ADAMTSL1: variants seen among roughly 807,000 people sequenced by gnomAD.
The protein encoded by ADAMTSL1 is ADAMTS like 1.
In ADAMTSL1, 126 loss-of-function variants were observed where a neutral mutation model predicts 201.8. The observed-to-expected ratio is 0.62, with a 90% CI of 0.54 to 0.72. ADAMTSL1 has a LOEUF of 0.72. ADAMTSL1 is among the 30% of genes least tolerant of loss of function. The probability of loss-of-function intolerance (pLI) is 0.00; values close to 1 mark genes in which losing one functional copy is unlikely to be tolerated. For synonymous variants in ADAMTSL1, 1,121 were observed against 903.4 expected (o/e 1.24, Z -4.32); for missense variants, 2,679 against 2,277.8 (o/e 1.18, Z -3.59).
At chr9:18,804,424 G>T (rs764934106) in intron 20 of ADAMTSL1, among the ~76,000 whole-genome samples, 2 of 152,196 alleles carry the variant, frequency 1.3e-5, no homozygotes, top group Admixed American at 6.5e-5. Flanking sequence ...AAGAAGGTCA[G>T]CAGGGAGTTA....
At chr9:18,367,808 G>A (rs551810825) in intron 2 of ADAMTSL1, among the ~76,000 whole-genome samples, 454 of 152,212 alleles carry the variant, frequency 3.0e-3, no homozygotes, top group Non-Finnish European at 4.8e-3. Context: ...TTGAATCCAG[G>A]CAACGGATGG....
At position 18,270,091 on chromosome 9, in the gene ADAMTSL1, A is replaced by G. The variant is rs146633288; in HGVS notation, c.207+106110A>G. ...ATACCATTGATTGGGGAGCTTCTAA[A>G]TAACAGAAATTTAGTTCTCATAGTT... On this transcript the variant is annotated intron_variant, in intron 2 of 29. Coordinates refer to the ADAMTSL1 transcript ENST00000680146. Among the ~76,000 whole-genome samples the G allele has an allele frequency of 6.6e-5, 10 of 152,232 alleles. No individual in the cohort carries two copies. In the East Asian group the frequency reaches 1.9e-3, roughly 29 times the overall value.
At chr9:18,838,623 T>A (rs898234914) in intron 23 of ADAMTSL1, among the ~76,000 whole-genome samples, 1 of 152,006 alleles carries the variant, frequency 6.6e-6, no homozygotes, top group African/African-American at 2.4e-5. Flanking sequence ...GGTCAAGCAT[T>A]TAAGACCAGC....
intron 1 of ADAMTSL1, among the ~76,000 whole-genome samples, chr9:17,953,075 A>T (rs1235640110): frequency 6.6e-6 from 1 of 151,110 alleles, no homozygotes; most frequent in East Asian, 1.9e-4. Context: ...ACATTCATAT[A>T]GGTAAAAATG....
chr9:18,111,119 A>G (rs1824987279), intron 1 of ADAMTSL1, among the ~76,000 whole-genome samples: 2 of 152,266 alleles, frequency 1.3e-5, no homozygotes, highest in South Asian at 2.1e-4. Flanking sequence ...AGCAACAAAA[A>G]TTGACCTTTT....
At chr9:18,637,646 A>G (rs1341992078) in intron 6 of ADAMTSL1, among the ~76,000 whole-genome samples, 2 of 152,152 alleles carry the variant, frequency 1.3e-5, no homozygotes, top group Non-Finnish European at 2.9e-5. Context: ...ATGTATAGCT[A>G]AATCATTTTT....
intron 1 of ADAMTSL1, among the ~76,000 whole-genome samples, chr9:17,955,683 A>G (rs1467243816): frequency 1.3e-5 from 2 of 152,188 alleles, no homozygotes; most frequent in Non-Finnish European, 2.9e-5. Context: ...TCTGCATGTC[A>G]GTCACTCATT....
chr9:18,854,808 C>A (rs1021492077), intron 23 of ADAMTSL1, among the ~76,000 whole-genome samples: 2 of 152,034 alleles, frequency 1.3e-5, no homozygotes, highest in Non-Finnish European at 2.9e-5. Flanking sequence ...TGACATGGAC[C>A]ATATTATGAC....
intron 1 of ADAMTSL1, among the ~76,000 whole-genome samples, chr9:17,916,910 A>G (rs1826117946): frequency 6.6e-6 from 1 of 152,166 alleles, no homozygotes; most frequent in African/African-American, 2.4e-5. Flanking sequence ...TGACTCATGA[A>G]CATGAAAACC....
At chr9:18,135,195 A>G (rs960857290) in intron 1 of ADAMTSL1, among the ~76,000 whole-genome samples, 9 of 152,294 alleles carry the variant, frequency 5.9e-5, no homozygotes, top group African/African-American at 1.2e-4. Flanking sequence ...TGCTCTAGTT[A>G]AGTAAAAAAC....
chr9:18,435,847 C>A (rs574713540), intron 2 of ADAMTSL1, among the ~76,000 whole-genome samples: 1 of 152,124 alleles, frequency 6.6e-6, no homozygotes, highest in Non-Finnish European at 1.5e-5. Flanking sequence ...TTCACTATCA[C>A]GAGAACAGCA....
chr9:18,034,045 G>T (rs183229892), intron 1 of ADAMTSL1, among the ~76,000 whole-genome samples: 13 of 152,194 alleles, frequency 8.5e-5, no homozygotes, highest in South Asian at 2.1e-4. Flanking sequence ...TCAGAGTGAG[G>T]TTCTTTCTAT....
At chr9:18,055,624 A>G (rs1311902537) in intron 1 of ADAMTSL1, among the ~76,000 whole-genome samples, 2 of 152,238 alleles carry the variant, frequency 1.3e-5, no homozygotes, top group African/African-American at 4.8e-5. Flanking sequence ...AACAACCACG[A>G]GGAGTCGTAA....
At chr9:18,841,692 T>C (rs1825726696) in intron 23 of ADAMTSL1, among the ~76,000 whole-genome samples, 1 of 152,254 alleles carries the variant, frequency 6.6e-6, no homozygotes, top group African/African-American at 2.4e-5. Flanking sequence ...TGGTAAGCTA[T>C]TGATTATTGT....
At chr9:18,507,410 C>T (rs1181076070) in intron 2 of ADAMTSL1, among the ~76,000 whole-genome samples, 1 of 152,154 alleles carries the variant, frequency 6.6e-6, no homozygotes, top group East Asian at 1.9e-4. Flanking sequence ...TAAAGATCTA[C>T]AGTGACTAAG....
intron 1 of ADAMTSL1, among the ~76,000 whole-genome samples, chr9:18,159,558 T>A (rs954032961): frequency 3.3e-5 from 5 of 152,074 alleles, no homozygotes; most frequent in Non-Finnish European, 5.9e-5. Flanking sequence ...ATAGCAATTA[T>A]GGCTCTTCTT....
chr9:18,297,150 A>G lies in ADAMTSL1; in HGVS notation c.207+133169A>G, dbSNP rs571362239. On this transcript the variant is annotated intron_variant, in intron 2 of 29. Coordinates refer to the ADAMTSL1 transcript ENST00000680146. Reference sequence around the variant, plus strand: ...TTTCCCACATCCCAGAGTCTAATTAAGTCAGCCCGTATTATCTCATGTCCC... The same window carrying G: ...TTTCCCACATCCCAGAGTCTAATTAGGTCAGCCCGTATTATCTCATGTCCC... Among the ~76,000 whole-genome samples the G allele has an allele frequency of 3.0e-4, 46 of 152,314 alleles. 1 individual carries two copies. The South Asian group carries it at 9.1e-3, about 30-fold the overall frequency.
In ADAMTSL1 at chr9:18,519,579, G is replaced by T. The variant is rs182885846; in HGVS notation, c.192-13668G>T. Among the ~76,000 whole-genome samples the T allele has an allele frequency of 6.0e-4, 91 of 152,286 alleles. 1 individual carries two copies. In the South Asian group the frequency reaches 7.3e-3, roughly 12 times the overall value. On this transcript the variant is annotated intron_variant, in intron 2 of 28. Transcript: ENST00000380548. ...GCTGTTGTGTGTTCTATTCTGATTCGTGTGGATTTGTTCAAGTAAATAATA... is the reference window on the plus strand; with the variant it reads ...GCTGTTGTGTGTTCTATTCTGATTCTTGTGGATTTGTTCAAGTAAATAATA...
chr9:18,909,777 C>T lies in ADAMTSL1; in HGVS notation c.*1229C>T, dbSNP rs1037560916. 1 of 152,270 alleles carries T rather than the reference C, an allele frequency of 6.6e-6. No homozygotes were observed. The highest frequency in any genetic ancestry group is 1.5e-5 in the Non-Finnish European group (1 of 68,136). 9.4% of individuals were successfully genotyped at this position (152,270 alleles called of 1,614,324 possible). On this transcript the variant is annotated 3_prime_UTR_variant, in exon 29 of 29. Transcript: ENST00000380548. The stretch of plus-strand genomic sequence containing the variant: ...CACCCTCCCTCTCCCAGCCTCCACC[C>T]CAGGGTCTGCAGGTCCTCCGGCATG...
Sources: gnomAD v4.1 joint callset for allele counts (sites outside exome capture counted in the v4.1 genomes callset) on GRCh38, gnomAD v4.1.1 for gene constraint, MANE v1.5 for transcripts, NCBI Gene and HGNC (gene_info 2026-07-23, HGNC 2026-07-21) for gene names.